COL19A1: variants seen among roughly 807,000 people sequenced by gnomAD.
COL19A1 encodes the protein collagen alpha-1(XIX) chain.
A neutral mutation model predicts 190.2 loss-of-function variants in COL19A1; 159 were observed. That is an observed-to-expected ratio of 0.84 (90% CI 0.73 to 0.95). The LOEUF (loss-of-function observed/expected upper bound fraction) is 0.95. COL19A1 is among the 40% of genes least tolerant of loss of function. The pLI is 0.00. For synonymous variants in COL19A1, 509 were observed against 458.9 expected, an observed-to-expected ratio of 1.11 and a Z score of -1.39; for missense variants, 1,418 against 1,431.9, an observed-to-expected ratio of 0.99 and a Z score of 0.16.
Position 70,105,050 on chromosome 6 carries a change from T to A in COL19A1, c.1278+2828T>A, listed in dbSNP as rs1197730503. Among the ~76,000 whole-genome samples, 4 of 152,170 alleles carry A rather than the reference T, an allele frequency of 2.6e-5. No individual in the cohort carries two copies. In the East Asian group the frequency reaches 5.8e-4, roughly 22 times the overall value. On this transcript the variant is annotated intron_variant, in intron 16 of 50. Coordinates refer to ENST00000620364, the MANE Select transcript of COL19A1 (RefSeq NM_001858.6). ...GCTTATTTTTATTTCAAATATAGAT[T>A]TAGAACTTAAACTCAGCTATGGGTC...
intron 2 of COL19A1, among the ~76,000 whole-genome samples, chr6:69,885,277 A>T (rs1256119871): frequency 6.6e-6 from 1 of 152,236 alleles, no homozygotes; most frequent in East Asian, 1.9e-4. Flanking sequence ...TGAATTTGTT[A>T]AAAACATTTG....
intron 4 of COL19A1, among the ~76,000 whole-genome samples, chr6:69,916,724 T>C (rs1175289675): frequency 6.6e-6 from 1 of 152,244 alleles, no homozygotes; most frequent in African/African-American, 2.4e-5. Flanking sequence ...ATATATTTAC[T>C]TATATCCCTC....
chr6:70,045,036 G>A (rs1582767715), intron 14 of COL19A1, among the ~76,000 whole-genome samples: 1 of 152,086 alleles, frequency 6.6e-6, no homozygotes, highest in South Asian at 2.1e-4. Flanking sequence ...AATCTTTCCA[G>A]GCACGGTGGC....
At chr6:69,980,212 C>T (rs767773646) in intron 11 of COL19A1, among the ~76,000 whole-genome samples, 7 of 151,950 alleles carry the variant, frequency 4.6e-5, no homozygotes, top group Non-Finnish European at 1.0e-4. Flanking sequence ...ATAAATATTG[C>T]ATCATGTAGA....
At chr6:70,102,984 C>G (rs1783730204) in intron 16 of COL19A1, among the ~76,000 whole-genome samples, 1 of 152,102 alleles carries the variant, frequency 6.6e-6, no homozygotes, top group African/African-American at 2.4e-5. Context: ...ATGCCTGGGG[C>G]CATCTTTTTG....
intron 41 of COL19A1, among the ~76,000 whole-genome samples, chr6:70,173,204 GA>G (rs1489794072): frequency 6.6e-6 from 1 of 152,208 alleles, no homozygotes; most frequent in African/African-American, 2.4e-5. Context: ...ACAGCAAAGT[GA>G]AGGTATTGAG....
intron 49 of COL19A1, among the ~76,000 whole-genome samples, chr6:70,206,646 A>C (rs1262936284): frequency 6.6e-6 from 1 of 151,930 alleles, no homozygotes; most frequent in Admixed American, 6.6e-5. Context: ...AAAAAAAAAA[A>C]AAAAAAAAAG....
intron 42 of COL19A1, among the ~76,000 whole-genome samples, chr6:70,176,803 G>A (rs994085902): frequency 6.6e-6 from 1 of 152,140 alleles, no homozygotes; most frequent in African/African-American, 2.4e-5. Context: ...TCACTTTCAT[G>A]GAGGGGAGAG....
chr6:69,957,274 A>G (rs1774478291), intron 9 of COL19A1, among the ~76,000 whole-genome samples: 1 of 152,112 alleles, frequency 6.6e-6, no homozygotes, highest in African/African-American at 2.4e-5. Context: ...AAATCCAGTG[A>G]TCAGTTTTTC....
chr6:69,957,566 A>C (rs7739754), intron 9 of COL19A1, among the ~76,000 whole-genome samples: 2 of 152,124 alleles, frequency 1.3e-5, no homozygotes, highest in Admixed American at 6.6e-5. Flanking sequence ...TGAAAAAAAA[A>C]CCCTCAGAAA....
At chr6:69,966,887 A>G (rs936505628) in intron 11 of COL19A1, among the ~76,000 whole-genome samples, 19 of 152,204 alleles carry the variant, frequency 1.2e-4, no homozygotes, top group Non-Finnish European at 1.2e-4. Flanking sequence ...TGAAGGTAGA[A>G]ATATTACTTG....
intron 15 of COL19A1, among the ~76,000 whole-genome samples, chr6:70,072,519 A>G (rs148996088): frequency 6.6e-6 from 1 of 152,242 alleles, no homozygotes; most frequent in Non-Finnish European, 1.5e-5. Context: ...TTATGTTTTA[A>G]ATTCCCTGTA....
At chr6:69,952,335 G>C (rs748182781) in intron 9 of COL19A1, among the ~76,000 whole-genome samples, 13 of 151,684 alleles carry the variant, frequency 8.6e-5, no homozygotes, top group Non-Finnish European at 8.8e-5. Flanking sequence ...GCATGCCCAC[G>C]TCCAGGCAGC....
intron 14 of COL19A1, among the ~76,000 whole-genome samples, chr6:70,053,593 A>G (rs964189413): frequency 1.3e-5 from 2 of 152,226 alleles, no homozygotes; most frequent in African/African-American, 4.8e-5. Flanking sequence ...CGACCGATTA[A>G]CCCTGTTTCT....
chr6:70,181,477 C>T (rs1766171876), intron 44 of COL19A1, among the ~76,000 whole-genome samples: 1 of 152,070 alleles, frequency 6.6e-6, no homozygotes, highest in African/African-American at 2.4e-5. Context: ...CTTACCTCCT[C>T]ATTCCCATCC....
chr6:70,073,974 T>C (rs192365619), intron 15 of COL19A1, among the ~76,000 whole-genome samples: 9 of 152,298 alleles, frequency 5.9e-5, no homozygotes, highest in Non-Finnish European at 1.0e-4. Flanking sequence ...GGTATATTGA[T>C]CTCATTAGGT....
At chr6:70,201,960 G>A (rs1198033186) in intron 49 of COL19A1, among the ~76,000 whole-genome samples, 1 of 152,066 alleles carries the variant, frequency 6.6e-6, no homozygotes, top group Non-Finnish European at 1.5e-5. Flanking sequence ...AGAAGATGAA[G>A]TTATACATGT....
chr6:70,071,146 G>T (rs115670167), intron 15 of COL19A1, among the ~76,000 whole-genome samples: 1,531 of 152,168 alleles, frequency 0.01, 21 homozygotes, highest in African/African-American at 0.035. Context: ...ATTATGGTGA[G>T]TTTCAAACAT....
chr6:70,003,990 G>GT (rs1777450622), intron 11 of COL19A1, among the ~76,000 whole-genome samples: 1 of 152,166 alleles, frequency 6.6e-6, no homozygotes, highest in South Asian at 2.1e-4. Context: ...ATTTTGGTGT[G>GT]TTTTTGCAGT....
Sources: gnomAD v4.1 joint callset for allele counts (sites outside exome capture counted in the v4.1 genomes callset) on GRCh38, gnomAD v4.1.1 for gene constraint, MANE v1.5 for transcripts, NCBI Gene and HGNC (gene_info 2026-07-23, HGNC 2026-07-21) for gene names.